Variants in PTPRC observed in about 807,000 individuals in gnomAD.
PTPRC encodes the protein receptor-type tyrosine-protein phosphatase C.
A neutral mutation model predicts 155.9 loss-of-function variants in PTPRC; 44 were observed. That is an observed-to-expected ratio of 0.28 (90% CI 0.22 to 0.36). The LOEUF is 0.36. Among genes scored for constraint, PTPRC ranks in the 10% least tolerant of loss-of-function variants. PTPRC has a pLI of 1.00. For synonymous variants in PTPRC, 525 were observed against 533.1 expected (o/e 0.98, Z 0.21); for missense variants, 1,401 against 1,564.6 (o/e 0.90, Z 1.76).
chr1:198,694,668 A>G (rs1666105220), intron 3 of PTPRC: 1 of 982,486 alleles, frequency 1.0e-6, no homozygotes, highest in Non-Finnish European at 1.2e-6. Context: ...GTCTATAATG[A>G]TGACAGTGAC....
Position 198,749,257 on chromosome 1 carries a change from G to A in PTPRC, c.2939-159G>A, listed in dbSNP as rs530353392. Among the ~76,000 whole-genome samples the A allele has an allele frequency of 1.4e-4, 21 of 151,496 alleles. 1 individual carries two copies. In the South Asian group the frequency reaches 4.4e-3, roughly 32 times the overall value. On this transcript the variant is annotated intron_variant, in intron 27 of 32. Transcript: ENST00000442510. ...ACTTTTGTTGTATAATTTGTTTATC[G>A]ACAAGTACTGAATTTTATATAGGAT...
intron 14 of PTPRC, among the ~76,000 whole-genome samples, chr1:198,719,899 C>A (rs952868475): frequency 1.3e-5 from 2 of 152,164 alleles, no homozygotes; most frequent in Non-Finnish European, 2.9e-5. Flanking sequence ...GTGTGAGCCA[C>A]CGTGCCCGGC....
chr1:198,735,933 T>C (rs1037079112), intron 23 of PTPRC, among the ~76,000 whole-genome samples: 2 of 151,652 alleles, frequency 1.3e-5, no homozygotes, highest in African/African-American at 4.8e-5. Context: ...ATATTGGTGA[T>C]GGTTGTACTA....
At chr1:198,656,310 G>A (rs1663562879) in intron 2 of PTPRC, among the ~76,000 whole-genome samples, 1 of 152,086 alleles carries the variant, frequency 6.6e-6, no homozygotes, top group African/African-American at 2.4e-5. Context: ...ATTTGCAACT[G>A]TGTAAGGCAG....
chr1:198,732,161 G>A, intron 18 of PTPRC, 139 bp from the exon 19 acceptor site: 1 of 724,394 alleles, frequency 1.4e-6, no homozygotes, highest in Non-Finnish European at 2.4e-6. Context: ...TCTTAATTTT[G>A]ATTACTCTAA....
In PTPRC at chr1:198,734,345, G is replaced by A; in HGVS notation, c.2197G>A (p.Val733Ile). 1 of 1,611,204 alleles carries A rather than the reference G, an allele frequency of 6.2e-7. No homozygotes were observed. Among genetic ancestry groups the A allele is most frequent in the South Asian group, 1.1e-5 (1 of 91,022 alleles). Residue 733 changes from valine to isoleucine, a missense_variant, in exon 22 of 33, where the codon GTT becomes ATT. Transcript: ENST00000442510. ...IAAQGPRDET[V>I]DDFWRMIWEQ... Reference sequence around the variant, plus strand: ...CCTCCTAGGTCCCAGGGATGAAACTGTTGATGATTTCTGGAGGATGATTTG... The same window carrying A: ...CCTCCTAGGTCCCAGGGATGAAACTATTGATGATTTCTGGAGGATGATTTG...
At position 198,742,227 on chromosome 1, in the gene PTPRC, G is replaced by A; in HGVS notation, c.2562-5G>A. On this transcript the variant is annotated splice_region_variant and splice_polypyrimidine_tract_variant and intron_variant, in intron 24 of 32. Transcript: ENST00000442510. ...GCCTCTGCTTTTTTTTGCTTGGTTT[G>A]CCAGTGCTGGTGTTGGGCGCACAGG... The A allele has an allele frequency of 6.2e-7, 1 of 1,611,842 alleles. No homozygotes were observed. The highest frequency in any genetic ancestry group is 8.5e-7 in the Non-Finnish European group (1 of 1,178,718).
At chr1:198,672,478 G>T (rs577646931) in intron 2 of PTPRC, among the ~76,000 whole-genome samples, 3 of 151,938 alleles carry the variant, frequency 2.0e-5, no homozygotes, top group Non-Finnish European at 2.9e-5. Context: ...TGTTTGGTTT[G>T]GTTTTGTTTA....
At chr1:198,734,300 T>C in intron 21 of PTPRC, 28 bp from the exon 22 acceptor site, 2 of 1,610,150 alleles carry the variant, frequency 1.2e-6, no homozygotes, top group Non-Finnish European at 1.7e-6. Context: ...AAATTTTTCT[T>C]ATCAGCTTTT....
At chr1:198,654,650 C>T (rs1663447609) in intron 2 of PTPRC, among the ~76,000 whole-genome samples, 1 of 151,710 alleles carries the variant, frequency 6.6e-6, no homozygotes, top group Non-Finnish European at 1.5e-5. Flanking sequence ...ATGCTCCTTG[C>T]TCCATTTTAA....
chr1:198,711,614 G>T (rs895894002), intron 11 of PTPRC, among the ~76,000 whole-genome samples: 4 of 152,172 alleles, frequency 2.6e-5, no homozygotes, highest in African/African-American at 9.7e-5. Flanking sequence ...AAACTTTTTT[G>T]ATGAATTGGA....
intron 32 of PTPRC, 65 bp downstream of exon 32, chr1:198,754,469 T>G (rs1655534617): frequency 6.4e-7 from 1 of 1,569,100 alleles, no homozygotes; most frequent in African/African-American, 1.4e-5. Flanking sequence ...GACGGTTTCC[T>G]TTTTTCTTTT....
Position 198,728,393 on chromosome 1 carries a change from A to G in PTPRC, c.1774A>G (p.Ile592Val), listed in dbSNP as rs1459728691. Reference protein sequence around the residue: ...FLAFLIIVTSIALLVVLYKIY... With the variant: ...FLAFLIIVTSVALLVVLYKIY... ...GGCATTTCTGATTATTGTGACATCA[A>G]TAGCCCTGCTTGTTGTTCTCTACAA... Residue 592 changes from isoleucine (I) to valine (V), a missense_variant, in exon 16 of 33, where the codon ATA (isoleucine) becomes GTA (valine). This residue lies in a region of PTPRC where 867 missense variants were observed against 970.4 expected (regional missense o/e 0.89). Coordinates refer to ENST00000442510, the MANE Select transcript of PTPRC (RefSeq NM_002838.5). 6.2e-7 allele frequency: 1 copy of G among 1,613,160 alleles called. No homozygotes were observed.
chr1:198,712,999 T>C lies in PTPRC; in HGVS notation c.1218T>C (p.His406=), dbSNP rs1351452497. Residue 406 remains histidine (H), a synonymous_variant, in exon 12 of 33, where the codon CAT becomes CAC. Transcript: ENST00000442510. ...QIIFCRSEAA[H]QGVITWNPPQ... The stretch of plus-strand genomic sequence containing the variant: ...TTTTTTGTAGAAGTGAAGCTGCACA[T>C]CAAGGAGTAATTACCTGGAATCCCC... The C allele has an allele frequency of 1.2e-6, 2 of 1,613,720 alleles. No individual in the cohort carries two copies. The highest frequency in any genetic ancestry group is 1.7e-6 in the Non-Finnish European group (2 of 1,179,796).
chr1:198,691,898 C>T (rs1665946442), intron 2 of PTPRC, among the ~76,000 whole-genome samples: 1 of 152,022 alleles, frequency 6.6e-6, no homozygotes. Flanking sequence ...ATATCTCACA[C>T]TAAATTGAGC....
intron 2 of PTPRC, among the ~76,000 whole-genome samples, chr1:198,686,799 A>G (rs1438386661): frequency 6.6e-6 from 1 of 152,216 alleles, no homozygotes; most frequent in Non-Finnish European, 1.5e-5. Context: ...ATTTGACTCC[A>G]CTAAGAATAT....
intron 2 of PTPRC, among the ~76,000 whole-genome samples, chr1:198,666,660 A>C (rs1036863564): frequency 5.3e-5 from 8 of 152,234 alleles, no homozygotes; most frequent in Non-Finnish European, 8.8e-5. Context: ...AGACACAGAA[A>C]TTAAAGGCAT....
At chr1:198,726,665 G>T (rs1654147290) in intron 15 of PTPRC, among the ~76,000 whole-genome samples, 1 of 151,246 alleles carries the variant, frequency 6.6e-6, no homozygotes, top group Non-Finnish European at 1.5e-5. Context: ...AACTGTTTCT[G>T]GCAGCTGTTT....
chr1:198,757,075 A>G lies in PTPRC; in HGVS notation c.*894A>G, dbSNP rs1655716324. The G allele has an allele frequency of 1.3e-5, 2 of 151,938 alleles. No homozygotes were observed. The highest frequency in any genetic ancestry group is 3.9e-4 in the East Asian group (2 of 5,186). 9.4% of individuals were successfully genotyped at this position (151,938 alleles called of 1,614,324 possible). ...ACAAACATATTTGTTAAATATTTAC[A>G]TATGAAATTTAATATAGCTATTTTT... On this transcript the variant is annotated 3_prime_UTR_variant, in exon 33 of 33. Transcript: ENST00000442510.
Sources: allele counts gnomAD v4.1 joint callset (sites outside exome capture counted in the v4.1 genomes callset), GRCh38; gene constraint gnomAD v4.1.1; regional missense constraint gnomAD v4.1.1; transcripts MANE v1.5; gene names NCBI Gene and HGNC (gene_info 2026-07-23, HGNC 2026-07-21).